Variants in HADH observed in about 807,000 individuals in gnomAD.
HADH encodes hydroxyacyl-coenzyme A dehydrogenase, mitochondrial.
In HADH, 24 loss-of-function variants were observed where a neutral mutation model predicts 32.2. The observed-to-expected ratio is 0.75, with a 90% CI of 0.54 to 1.05. The LOEUF (loss-of-function observed/expected upper bound fraction) is 1.05. Among genes scored for constraint, HADH ranks in the 50% least tolerant of loss-of-function variants. HADH has a pLI of 0.00. For synonymous variants in HADH, 139 were observed against 152.5 expected (o/e 0.91, Z 0.65); for missense variants, 350 against 397.1 (o/e 0.88, Z 1.01).
At chr4:107,991,166 T>TA (rs373541925) in intron 1 of HADH, among the ~76,000 whole-genome samples, 49 of 148,058 alleles carry the variant, frequency 3.3e-4, no homozygotes, top group South Asian at 1.1e-3. Flanking sequence ...TTTTTTTTTT[T>TA]AAAAATTATT....
chr4:108,004,823 G>A (rs1169872620), intron 1 of HADH: 2 of 1,535,964 alleles, frequency 1.3e-6, no homozygotes, highest in East Asian at 2.4e-5. Flanking sequence ...CTGGGTGTCT[G>A]CTGGAGGAAG....
At position 108,010,359 on chromosome 4, in the gene HADH, G is replaced by T. The variant is rs114441634; in HGVS notation, c.261+472G>T. ...GAGATAGAAGAATTTGAGGAACTCT[G>T]TGGAGGCTGGGAATACAACAGCATG... On this transcript the variant is annotated intron_variant, in intron 2 of 7. Coordinates refer to ENST00000309522, the MANE Select transcript of HADH (RefSeq NM_005327.7). 3.3e-3 allele frequency among the ~76,000 whole-genome samples: 498 copies of T among 152,318 alleles called. 1 individual carries two copies. Among genetic ancestry groups the T allele is most frequent in the Non-Finnish European group, 5.4e-3 (366 of 68,022 alleles).
At chr4:108,031,698 G>A (rs1045880559) in intron 6 of HADH, 2 of 152,124 alleles carry the variant, frequency 1.3e-5, no homozygotes, top group Non-Finnish European at 2.9e-5. Context: ...AGCTGTGTGA[G>A]TCATGAATCT....
chr4:107,994,234 C>G (rs1560720652), intron 1 of HADH, among the ~76,000 whole-genome samples: 1 of 145,062 alleles, frequency 6.9e-6, no homozygotes, highest in African/African-American at 2.5e-5. Context: ...CCAAAGCTTG[C>G]TTTTTTTTTT....
At chr4:108,012,480 C>T (rs1735531972) in intron 2 of HADH, among the ~76,000 whole-genome samples, 1 of 152,190 alleles carries the variant, frequency 6.6e-6, no homozygotes, top group East Asian at 1.9e-4. Context: ...TATAACCTGA[C>T]ACGTCCATCT....
chr4:108,000,746 G>A (rs1292291074), intron 1 of HADH, among the ~76,000 whole-genome samples: 4 of 152,320 alleles, frequency 2.6e-5, no homozygotes, highest in Admixed American at 6.5e-5. Context: ...TGAGGGAGCC[G>A]GACATGTATG....
chr4:108,006,510 A>G (rs1284968039), intron 1 of HADH, among the ~76,000 whole-genome samples: 1 of 152,214 alleles, frequency 6.6e-6, no homozygotes, highest in Non-Finnish European at 1.5e-5. Context: ...GTGCCAGATC[A>G]GAGCACAGAT....
intron 3 of HADH, among the ~76,000 whole-genome samples, chr4:108,015,851 A>G (rs993991820): frequency 2.0e-5 from 3 of 152,050 alleles, no homozygotes; most frequent in Non-Finnish European, 4.4e-5. Context: ...GACAGCAGAC[A>G]GTTAAGGACA....
At chr4:108,032,289 G>T (rs1033134300) in intron 6 of HADH, 1 of 1,420,900 alleles carries the variant, frequency 7.0e-7, no homozygotes, top group Non-Finnish European at 9.8e-7. Flanking sequence ...ATTTCCAAGG[G>T]AAAAGCACAT....
intron 2 of HADH, among the ~76,000 whole-genome samples, chr4:108,013,832 C>CT (rs1385107426): frequency 1.3e-5 from 2 of 151,882 alleles, no homozygotes; most frequent in South Asian, 2.1e-4. Flanking sequence ...TGTCTTTTCC[C>CT]TTTTTTTAAT....
chr4:107,990,101 G>T lies in HADH; in HGVS notation c.132+37G>T, dbSNP rs1454419585. Reference sequence around the variant, plus strand: ...TCCCTGCAGCGTGCCCACGCGCTTGGCCGCCCACCCTGAGGTGGAAGCTCT... The same window carrying T: ...TCCCTGCAGCGTGCCCACGCGCTTGTCCGCCCACCCTGAGGTGGAAGCTCT... On this transcript the variant is annotated intron_variant, in intron 1 of 7. Transcript: ENST00000309522. 1.9e-6 allele frequency: 3 copies of T among 1,581,196 alleles called. No homozygotes were observed. The African/African-American group carries it at 4.0e-5, about 21-fold the overall frequency.
intron 1 of HADH, among the ~76,000 whole-genome samples, chr4:107,991,128 GAT>G (rs1734785873): frequency 6.6e-6 from 1 of 151,966 alleles, no homozygotes; most frequent in Non-Finnish European, 1.5e-5. Context: ...GCGAGTGATT[GAT>G]TACCTGGCTA....
chr4:108,004,860 G>A, intron 1 of HADH: 2 of 1,535,972 alleles, frequency 1.3e-6, no homozygotes, highest in Non-Finnish European at 1.7e-6. Context: ...AGATGTTAAG[G>A]GTTGGGAGAG....
intron 3 of HADH, among the ~76,000 whole-genome samples, chr4:108,018,947 C>T (rs1735791116): frequency 6.6e-6 from 1 of 152,094 alleles, no homozygotes; most frequent in Non-Finnish European, 1.5e-5. Flanking sequence ...CCTCTTTTCC[C>T]CATATCTACC....
chr4:108,033,320 T>A, intron 7 of HADH, 28 bp downstream of exon 7: 1 of 1,115,884 alleles, frequency 9.0e-7, no homozygotes, highest in Non-Finnish European at 1.4e-6. Context: ...TTGTTGTCTT[T>A]AATTGAGGTA....
At chr4:108,004,703 T>G in intron 1 of HADH, 1 of 1,529,482 alleles carries the variant, frequency 6.5e-7, no homozygotes, top group South Asian at 1.2e-5. Flanking sequence ...GATAATTCTT[T>G]CAAGAAAGGA....
At chr4:108,013,112 T>C (rs1735559737) in intron 2 of HADH, among the ~76,000 whole-genome samples, 2 of 152,214 alleles carry the variant, frequency 1.3e-5, no homozygotes, top group Admixed American at 1.3e-4. Flanking sequence ...TTTGTATTTT[T>C]AGTGGAGACG....
chr4:108,020,129 T>C (rs1327146325), intron 4 of HADH, among the ~76,000 whole-genome samples: 1 of 152,200 alleles, frequency 6.6e-6, no homozygotes, highest in African/African-American at 2.4e-5. Flanking sequence ...GCCTTAGCGT[T>C]GTCCCCAGAT....
intron 2 of HADH, among the ~76,000 whole-genome samples, chr4:108,011,901 T>C (rs1361660415): frequency 1.3e-5 from 2 of 152,060 alleles, no homozygotes; most frequent in Admixed American, 6.6e-5. Flanking sequence ...TTTTTGTTTT[T>C]TTGTTTTGGA....
Sources: gnomAD v4.1 joint callset for allele counts (sites outside exome capture counted in the v4.1 genomes callset) on GRCh38, gnomAD v4.1.1 for gene constraint, MANE v1.5 for transcripts, NCBI Gene and HGNC (gene_info 2026-07-23, HGNC 2026-07-21) for gene names.